The following ADGRA3 variants were observed in gnomAD, a reference collection of about 807,000 sequenced individuals.
ADGRA3 encodes the protein G-protein coupled receptor 125.
Under a neutral mutation model 119.8 loss-of-function variants are expected in ADGRA3, and 56 were observed. That is an observed-to-expected ratio of 0.47 (90% CI 0.38 to 0.58). The LOEUF (loss-of-function observed/expected upper bound fraction) is 0.58, where lower values mean the gene tolerates loss of function less well. Among genes scored for constraint, ADGRA3 ranks in the 20% least tolerant of loss-of-function variants. The pLI, the probability that ADGRA3 is intolerant of heterozygous loss-of-function variation, is 0.00. For synonymous variants in ADGRA3, 607 were observed against 623.8 expected, an observed-to-expected ratio of 0.97 and a Z score of 0.40; for missense variants, 1,516 against 1,649.0, an observed-to-expected ratio of 0.92 and a Z score of 1.40.
intron 16 of ADGRA3, among the ~76,000 whole-genome samples, chr4:22,400,918 T>C (rs950178943): frequency 6.6e-6 from 1 of 152,186 alleles, no homozygotes; most frequent in African/African-American, 2.4e-5. Flanking sequence ...ATTTCCATTT[T>C]TATATTTATG....
At chr4:22,468,256 C>T (rs997818519) in intron 2 of ADGRA3, among the ~76,000 whole-genome samples, 2 of 152,188 alleles carry the variant, frequency 1.3e-5, no homozygotes, top group East Asian at 1.9e-4. Flanking sequence ...TGCTCTGCTC[C>T]TCATCTCTTA....
At chr4:22,407,756 A>G (rs1715001003) in intron 14 of ADGRA3, among the ~76,000 whole-genome samples, 1 of 152,234 alleles carries the variant, frequency 6.6e-6, no homozygotes. Flanking sequence ...CAATGGAAAA[A>G]GTTTTTAGAA....
chr4:22,392,890 C>G, intron 16 of ADGRA3, 200 bp from the exon 17 acceptor site: 1 of 513,770 alleles, frequency 1.9e-6, no homozygotes, highest in Non-Finnish European at 3.4e-6. Context: ...ATACACAAAC[C>G]AACAATTGGC....
chr4:22,432,690 CT>C (rs1716236113), intron 10 of ADGRA3, among the ~76,000 whole-genome samples: 1 of 152,120 alleles, frequency 6.6e-6, no homozygotes, highest in African/African-American at 2.4e-5. Context: ...ATAACAGACA[CT>C]TCTGTTGCCT....
At chr4:22,398,949 C>CAATG (rs1414072124) in intron 16 of ADGRA3, among the ~76,000 whole-genome samples, 1 of 152,174 alleles carries the variant, frequency 6.6e-6, no homozygotes, top group Non-Finnish European at 1.5e-5. Context: ...CTATAGAAGG[C>CAATG]AATGCCTCCC....
At chr4:22,418,991 A>G (rs1440888195) in intron 12 of ADGRA3, among the ~76,000 whole-genome samples, 1 of 152,224 alleles carries the variant, frequency 6.6e-6, no homozygotes, top group African/African-American at 2.4e-5. Flanking sequence ...CTGAAGAGCC[A>G]GCCTAGAGAC....
chr4:22,480,817 T>C (rs113502426), intron 1 of ADGRA3, among the ~76,000 whole-genome samples: 31 of 152,292 alleles, frequency 2.0e-4, no homozygotes, highest in African/African-American at 6.5e-4. Flanking sequence ...TGCAGTGTTG[T>C]AGGACTCAGG....
rs777241546 is a variant in ADGRA3 at position 22,515,675 on chromosome 4, G to A, written c.110C>T (p.Ala37Val). Reference sequence around the variant, plus strand: ...GTGCTTGCAGCCGGCGGGCAGCGCCGCGGCGCCGCCGCCGCCGCCGCCTCC... The same window carrying A: ...GTGCTTGCAGCCGGCGGGCAGCGCCACGGCGCCGCCGCCGCCGCCGCCTCC... ...LLGGGGGGGA[A>V]ALPAGCKHDG... Residue 37 changes from alanine to valine, a missense_variant, in exon 1 of 19, where the codon GCG becomes GTG. By Grantham distance (64) the Ala-to-Val change is moderately conservative. Coordinates refer to ENST00000334304, the MANE Select transcript of ADGRA3 (RefSeq NM_145290.4). The A allele has an allele frequency of 1.1e-5, 13 of 1,154,758 alleles. No individual in the cohort carries two copies. In the South Asian group the frequency reaches 4.5e-4, roughly 40 times the overall value. 71.5% of individuals were successfully genotyped at this position (1,154,758 alleles called of 1,614,324 possible). A position where few individuals can be genotyped will look rare whatever the true frequency, so the allele number is the denominator to read the frequency against.
rs191767258 is a variant in ADGRA3, at chr4:22,456,253, T to C, written c.402-1316A>G. On this transcript the variant is annotated intron_variant, in intron 3 of 18. Transcript: ENST00000334304. ...AATTTTAGGTGTCAACTTCGCTGGATTGAGAGGCCTCAATGGCTGGTGAAG... is the reference window on the plus strand; with the variant it reads ...AATTTTAGGTGTCAACTTCGCTGGACTGAGAGGCCTCAATGGCTGGTGAAG... 2.9e-3 allele frequency among the ~76,000 whole-genome samples: 445 copies of C among 152,280 alleles called. 3 individuals carry two copies. Among genetic ancestry groups the C allele is most frequent in the African/African-American group, 0.01 (432 of 41,550 alleles).
chr4:22,387,937 G>T lies in ADGRA3; in HGVS notation c.3734C>A (p.Thr1245Lys). The T allele has an allele frequency of 6.2e-7, 1 of 1,614,178 alleles. No homozygotes were observed. Among genetic ancestry groups the T allele is most frequent in the African/African-American group, 1.3e-5 (1 of 75,052 alleles). ...PQQDSSDACS[T>K]LPKSSRNFEK... The stretch of plus-strand genomic sequence containing the variant: ...AAAATTTCTGCTACTTTTGGGAAGT[G>T]TGCTACAAGCATCGCTGCTGTCTTG... Residue 1245 changes from threonine to lysine, a missense_variant, in exon 19 of 19, where the codon ACA becomes AAA. Thr to Lys is a moderately conservative substitution (Grantham distance 78, BLOSUM62 -1). Around this residue, in one of 2 missense-constraint regions of ADGRA3, gnomAD observed 1,088 missense variants for 1,107.1 expected, o/e 0.98. Transcript: ENST00000334304.
At chr4:22,426,160 G>A (rs1442944488) in intron 10 of ADGRA3, among the ~76,000 whole-genome samples, 2 of 152,120 alleles carry the variant, frequency 1.3e-5, no homozygotes, top group East Asian at 3.9e-4. Flanking sequence ...GGTAGTAGAA[G>A]GGTTGTATTT....
intron 1 of ADGRA3, among the ~76,000 whole-genome samples, chr4:22,481,268 C>CT (rs1718252850): frequency 6.6e-6 from 1 of 152,092 alleles, no homozygotes; most frequent in Non-Finnish European, 1.5e-5. Flanking sequence ...TTAGAGCCAC[C>CT]TGTGATAAGC....
intron 4 of ADGRA3, among the ~76,000 whole-genome samples, chr4:22,450,430 T>A (rs958283500): frequency 1.3e-5 from 2 of 152,050 alleles, no homozygotes; most frequent in Admixed American, 1.3e-4. Context: ...CAGGCCTGGC[T>A]AATTTTTGTA....
At chr4:22,458,968 T>C (rs747389364) in intron 3 of ADGRA3, among the ~76,000 whole-genome samples, 16 of 152,152 alleles carry the variant, frequency 1.1e-4, no homozygotes, top group South Asian at 2.1e-4. Context: ...AAAACTATGG[T>C]AGGAAATTCC....
chr4:22,515,543 T>C lies in ADGRA3; in HGVS notation c.242A>G (p.Asn81Ser), dbSNP rs1399501600. Residue 81 changes from asparagine (N) to serine (S), a missense_variant, in exon 1 of 19, where the codon AAC becomes AGC. Around this residue, in one of 2 missense-constraint regions of ADGRA3, gnomAD observed 428 missense variants for 541.9 expected, o/e 0.79. Coordinates refer to ENST00000334304, the MANE Select transcript of ADGRA3 (RefSeq NM_145290.4). ...AQVLPPDTLP[N>S]RTVTLILSNN... ...AGATACTCACAGGGTGACCGTGCGG[T>C]TGGGCAGAGTATCTGGGGGCAGGAC... is the stretch of plus-strand genomic sequence containing the variant. 2 of 1,597,270 alleles carry C rather than the reference T, an allele frequency of 1.3e-6. No homozygotes were observed. Among genetic ancestry groups the C allele is most frequent in the Non-Finnish European group, 1.7e-6 (2 of 1,167,974 alleles).
At chr4:22,401,038 C>A (rs1010794941) in intron 16 of ADGRA3, among the ~76,000 whole-genome samples, 5 of 152,072 alleles carry the variant, frequency 3.3e-5, no homozygotes, top group Admixed American at 2.0e-4. Flanking sequence ...ATTTTTATAT[C>A]TTTATGATTA....
intron 1 of ADGRA3, among the ~76,000 whole-genome samples, chr4:22,486,073 G>A (rs1718422658): frequency 6.6e-6 from 1 of 152,126 alleles, no homozygotes; most frequent in East Asian, 1.9e-4. Flanking sequence ...TACTTCCTTT[G>A]CTGTGGAGTT....
Position 22,421,046 on chromosome 4 carries a change from G to A in ADGRA3, c.1649C>T (p.Thr550Ile). 6.2e-7 allele frequency: 1 copy of A among 1,614,020 alleles called. No homozygotes were observed. Among genetic ancestry groups the A allele is most frequent in the Non-Finnish European group, 8.5e-7 (1 of 1,179,916 alleles). Reference protein sequence around the residue: ...IALEAYVIKSTGFTGMTCTVF... With the variant: ...IALEAYVIKSIGFTGMTCTVF... The stretch of plus-strand genomic sequence containing the variant: ...GGTACAGGTCATCCCCGTGAAGCCA[G>A]TAGACTTGATGACATAAGCTTCCAG... Residue 550 changes from threonine to isoleucine, a missense_variant, in exon 12 of 19, where the codon ACT (threonine) becomes ATT (isoleucine). Physicochemically the swap from Thr to Ile is moderately conservative, Grantham distance 89. This residue lies in a region of ADGRA3 where 1,088 missense variants were observed against 1,107.1 expected (regional missense o/e 0.98). Transcript: ENST00000334304.
In ADGRA3 at chr4:22,495,410, T is replaced by C. The variant is rs573111407; in HGVS notation, c.257+20118A>G. 1.1e-4 allele frequency among the ~76,000 whole-genome samples: 17 copies of C among 151,952 alleles called. No homozygotes were observed. In the South Asian group the frequency reaches 2.7e-3, roughly 24 times the overall value. ...AAACCCCATCTCTAGAAAAAATAAA[T>C]AAGTAAAACTTATGAACTATTTATT... On this transcript the variant is annotated intron_variant, in intron 1 of 18. Transcript: ENST00000334304.
Sources: gnomAD v4.1 joint callset for allele counts (sites outside exome capture counted in the v4.1 genomes callset) on GRCh38, gnomAD v4.1.1 for gene constraint, gnomAD v4.1.1 regional missense constraint, MANE v1.5 for transcripts, NCBI Gene and HGNC (gene_info 2026-07-23, HGNC 2026-07-21) for gene names.